LMO7: variants seen among roughly 807,000 people sequenced by gnomAD.
LMO7 encodes the protein LIM domain 7, also known as LIM domain only protein 7.
LMO7 carries 120 observed loss-of-function variants against 206.5 expected under a neutral mutation model. The observed-to-expected ratio is 0.58, with a 90% CI of 0.50 to 0.68. The LOEUF is 0.68. LMO7 is among the 30% of genes least tolerant of loss of function. LMO7 has a pLI of 0.00. For synonymous variants in LMO7, 706 were observed against 681.5 expected, an observed-to-expected ratio of 1.04 and a Z score of -0.56; for missense variants, 1,959 against 1,957.9, an observed-to-expected ratio of 1.00 and a Z score of -0.01.
At chr13:75,641,265 A>G (rs1236443359) in intron 1 of LMO7, among the ~76,000 whole-genome samples, 1 of 152,238 alleles carries the variant, frequency 6.6e-6, no homozygotes, top group Non-Finnish European at 1.5e-5. Flanking sequence ...CCATCTGCCC[A>G]CTAGGCTGGA....
chr13:75,811,796 G>A (rs2056429236), intron 11 of LMO7, among the ~76,000 whole-genome samples: 1 of 152,130 alleles, frequency 6.6e-6, no homozygotes, highest in African/African-American at 2.4e-5. Flanking sequence ...TTTGGCAGAA[G>A]CAATTTATGA....
chr13:75,680,998 CT>C (rs1226190735), intron 1 of LMO7, among the ~76,000 whole-genome samples: 2 of 151,614 alleles, frequency 1.3e-5, no homozygotes, highest in Non-Finnish European at 2.9e-5. Context: ...CCTTTGCCCA[CT>C]TTTTAATGAG....
At chr13:75,793,751 G>A (rs534262635) in intron 4 of LMO7, among the ~76,000 whole-genome samples, 5 of 152,154 alleles carry the variant, frequency 3.3e-5, no homozygotes, top group Non-Finnish European at 5.9e-5. Context: ...GAGCACACCT[G>A]AGTAGCCAGC....
Position 75,776,162 on chromosome 13 carries a change from GATATATATATATATATATATATATAT to G in LMO7, c.317+15142_317+15167del, listed in dbSNP as rs58964680. 1.3e-3 allele frequency among the ~76,000 whole-genome samples: 47 copies of G among 36,852 alleles called. 2 individuals carry two copies. The highest frequency in any genetic ancestry group is 6.2e-3 in the East Asian group (5 of 804). The allele number at this position is 36,852 out of a possible 152,430, so 24.2% of individuals were successfully genotyped here. ...ATATATATGCCATGTATATATATCG[GATATATATATATATATATATATATAT>G]ATATATATATATATATAACGTTAAG... is the stretch of plus-strand genomic sequence containing the variant. On this transcript the variant is annotated intron_variant, in intron 4 of 30. Coordinates refer to ENST00000377534, the MANE Select transcript of LMO7 (RefSeq NM_001306080.2).
intron 4 of LMO7, among the ~76,000 whole-genome samples, chr13:75,762,747 T>G (rs746728180): frequency 6.6e-6 from 1 of 152,124 alleles, no homozygotes; most frequent in Non-Finnish European, 1.5e-5. Context: ...CAAAGCAAGG[T>G]GTGCCTAAGT....
At chr13:75,835,827 T>G (rs2059067399) in intron 18 of LMO7, among the ~76,000 whole-genome samples, 1 of 152,174 alleles carries the variant, frequency 6.6e-6, no homozygotes, top group Non-Finnish European at 1.5e-5. Context: ...TTCATTAATT[T>G]GATCAAAAAT....
At chr13:75,830,220 A>C (rs1433933581) in intron 15 of LMO7, among the ~76,000 whole-genome samples, 1 of 152,212 alleles carries the variant, frequency 6.6e-6, no homozygotes, top group Non-Finnish European at 1.5e-5. Context: ...TTCACTTGCA[A>C]GAAGTTTCAG....
rs1437102809 is a variant in LMO7, at chr13:75,835,257, A to G, written c.3251A>G (p.Asp1084Gly). ...KAGSPETKWI[D>G]ATSGIYNSEK... ...GGTTCACCTGAAACAAAGTGGATTG[A>G]TGCAACTTCTGGAATTTACAACTCA... Residue 1084 changes from aspartate to glycine, a missense_variant, in exon 18 of 31, where the codon GAT (aspartate) becomes GGT (glycine). By Grantham distance (94) the Asp-to-Gly change is moderately conservative. Transcript: ENST00000377534. 6.2e-7 allele frequency: 1 copy of G among 1,612,352 alleles called. No homozygotes were observed. Among genetic ancestry groups the G allele is most frequent in the Middle Eastern group, 1.7e-4 (1 of 6,060 alleles).
In LMO7 at chr13:75,807,591, G is replaced by T. The variant is rs539051277; in HGVS notation, c.1308G>T (p.Lys436Asn). ...GCCCAAGGCTCATAACCCGCAGGAA[G>T]AATCTCTCTTATGCACCAGGCTATA... ...TSGPRLITRR[K>N]NLSYAPGYRR... Residue 436 changes from lysine to asparagine, a missense_variant, in exon 10 of 31, where the codon AAG becomes AAT. Coordinates refer to ENST00000377534, the MANE Select transcript of LMO7 (RefSeq NM_001306080.2). The T allele has an allele frequency of 2.4e-5, 39 of 1,613,910 alleles. No individual in the cohort carries two copies. In the East Asian group the frequency reaches 5.1e-4, roughly 21 times the overall value.
chr13:75,840,924 C>A (rs761576445), intron 22 of LMO7, among the ~76,000 whole-genome samples, 185 bp from the exon 23 acceptor site: 14 of 152,106 alleles, frequency 9.2e-5, no homozygotes, highest in Admixed American at 2.6e-4. Flanking sequence ...CCAGTGCCTG[C>A]AGTTTTAATT....
intron 3 of LMO7, among the ~76,000 whole-genome samples, chr13:75,751,791 A>C (rs2047289072): frequency 6.6e-6 from 1 of 152,162 alleles, no homozygotes; most frequent in Non-Finnish European, 1.5e-5. Flanking sequence ...ACACTCAGGA[A>C]GTTTTTGCAG....
At chr13:75,680,703 A>G (rs2040406362) in intron 1 of LMO7, among the ~76,000 whole-genome samples, 1 of 151,888 alleles carries the variant, frequency 6.6e-6, no homozygotes, top group Admixed American at 6.6e-5. Flanking sequence ...TATTTCTCCT[A>G]ATGCTATCCC....
chr13:75,689,585 G>A (rs1290709776), intron 1 of LMO7, among the ~76,000 whole-genome samples: 1 of 152,144 alleles, frequency 6.6e-6, no homozygotes, highest in Non-Finnish European at 1.5e-5. Context: ...ATCTGGGTGG[G>A]CACCATCTAA....
chr13:75,808,261 T>C, intron 10 of LMO7, 62 bp downstream of exon 10: 1 of 1,486,090 alleles, frequency 6.7e-7, no homozygotes, highest in Non-Finnish European at 9.0e-7. Context: ...ACTTTTCTCA[T>C]GCGAGAAAGC....
rs1223781083 is a variant in LMO7 at position 75,636,714 on chromosome 13, G to A, written c.57G>A (p.Gln19=). 1 of 1,608,392 alleles carries A rather than the reference G, an allele frequency of 6.2e-7. No homozygotes were observed. The highest frequency in any genetic ancestry group is 8.5e-7 in the Non-Finnish European group (1 of 1,178,124). Residue 19 remains glutamine, a synonymous_variant, in exon 1 of 31, where the codon CAG becomes CAA. Transcript: ENST00000377534. ...GCTCCGTGGCGTTCGCTGAGGCTCA[G>A]AGATGGGTGGAGGTGAGTGCCTTTC... ...ANCSVAFAEA[Q]RWVEAVTEKN... is the part of the protein sequence containing the mutation.
chr13:75,792,880 G>A (rs994794940), intron 4 of LMO7, among the ~76,000 whole-genome samples: 2 of 152,184 alleles, frequency 1.3e-5, no homozygotes, highest in African/African-American at 2.4e-5. Context: ...GTAATAATGC[G>A]AAGGTCACTG....
chr13:75,800,744 T>C lies in LMO7; in HGVS notation c.523T>C (p.Trp175Arg). Residue 175 changes from tryptophan to arginine, a missense_variant, in exon 7 of 31, where the codon TGG (tryptophan) becomes CGG (arginine). Transcript: ENST00000377534. ...SGRDSGYGDIWCPERGEFLAP... is the reference protein window; with the variant it reads ...SGRDSGYGDIRCPERGEFLAP... The stretch of plus-strand genomic sequence containing the variant: ...CAGGGACAGTGGCTACGGTGACATC[T>C]GGTGTCCTGAACGTGGAGAATTTCT... 6.2e-7 allele frequency: 1 copy of C among 1,614,178 alleles called. No homozygotes were observed. The highest frequency in any genetic ancestry group is 1.1e-5 in the South Asian group (1 of 91,086).
At chr13:75,767,940 CTGTG>C (rs2049113431) in intron 4 of LMO7, among the ~76,000 whole-genome samples, 1 of 152,048 alleles carries the variant, frequency 6.6e-6, no homozygotes, top group African/African-American at 2.4e-5. Context: ...CTGTGTCAAA[CTGTG>C]TGCTAAACCC....
intron 15 of LMO7, among the ~76,000 whole-genome samples, chr13:75,831,800 T>TA (rs2058692797): frequency 6.6e-6 from 1 of 152,132 alleles, no homozygotes; most frequent in Non-Finnish European, 1.5e-5. Flanking sequence ...AAACACCTGT[T>TA]AAAGGTAACA....
Sources: allele counts gnomAD v4.1 joint callset (sites outside exome capture counted in the v4.1 genomes callset), GRCh38; gene constraint gnomAD v4.1.1; transcripts MANE v1.5; gene names NCBI Gene and HGNC (gene_info 2026-07-23, HGNC 2026-07-21).